The following APOBEC3F variants were observed in gnomAD, a reference collection of about 807,000 sequenced individuals.
APOBEC3F encodes the protein apolipoprotein B mRNA editing enzyme catalytic subunit 3F.
Under a neutral mutation model 45.8 loss-of-function variants are expected in APOBEC3F, and 34 were observed. That is an observed-to-expected ratio of 0.74 (90% CI 0.57 to 0.99). The LOEUF is 0.99. Ranked by LOEUF, APOBEC3F falls within the 50% of genes least tolerant of loss-of-function variation. The probability of loss-of-function intolerance (pLI) is 0.00; values close to 1 mark genes in which losing one functional copy is unlikely to be tolerated. For missense variants in APOBEC3F, 459 were observed against 474.1 expected, an observed-to-expected ratio of 0.97 and a Z score of 0.30; for synonymous variants, 192 against 174.4, an observed-to-expected ratio of 1.10 and a Z score of -0.80.
intron 5 of APOBEC3F, 125 bp downstream of exon 5, chr22:39,049,706 T>G (rs1927393107): frequency 8.1e-7 from 1 of 1,232,168 alleles, no homozygotes; most frequent in Admixed American, 2.7e-5. Flanking sequence ...TTTCTTTTTT[T>G]TTTTTTTTTT....
At chr22:39,041,794 G>A (rs576694339) in intron 1 of APOBEC3F, among the ~76,000 whole-genome samples, 14 of 152,084 alleles carry the variant, frequency 9.2e-5, no homozygotes, top group African/African-American at 3.1e-4. Flanking sequence ...CCCAGGAGGC[G>A]GAGGTTGCAG....
chr22:39,047,762 A>G (rs1221194074), intron 4 of APOBEC3F, among the ~76,000 whole-genome samples: 1 of 147,536 alleles, frequency 6.8e-6, no homozygotes. Flanking sequence ...CCCGAAAGTC[A>G]CCCCTTTGCT....
intron 5 of APOBEC3F, among the ~76,000 whole-genome samples, chr22:39,051,862 GA>G (rs1015032355): frequency 1.7e-4 from 26 of 152,270 alleles, no homozygotes; most frequent in African/African-American, 6.3e-4. Flanking sequence ...GCTGAGGTGG[GA>G]AGATTCCTTG....
At chr22:39,049,306 T>G in intron 4 of APOBEC3F, 119 bp from the exon 5 acceptor site, 2 of 1,247,708 alleles carry the variant, frequency 1.6e-6, no homozygotes, top group Non-Finnish European at 2.2e-6. Flanking sequence ...CTCCCAGTCT[T>G]TCTGCCTGGG....
chr22:39,042,948 A>G lies in APOBEC3F; in HGVS notation c.29A>G (p.Glu10Gly). The change falls in exon 2 of 7, where the codon GAG becomes GGG. Residue 10 changes from glutamate (E) to glycine (G), a missense_variant. Transcript: ENST00000308521. ...TCTTGTGTCTTCAGAAACACAGTGG[A>G]GCGAATGTATCGAGACACATTCTCC... is the stretch of plus-strand genomic sequence containing the variant. MKPHFRNTV[E>G]RMYRDTFSYN... 6.2e-7 allele frequency: 1 copy of G among 1,613,932 alleles called. No individual in the cohort carries two copies.
chr22:39,049,678 G>T, intron 5 of APOBEC3F, 97 bp downstream of exon 5: 21 of 1,302,978 alleles, frequency 1.6e-5, no homozygotes, highest in Non-Finnish European at 2.0e-5. Context: ...GCTTTCCTGT[G>T]TGTACTTTCC....
In APOBEC3F at chr22:39,054,360, TA is replaced by T. The variant is rs1601505905; in HGVS notation, c.*1666del. Among the ~76,000 whole-genome samples, 1 of 152,198 alleles carries T rather than the reference TA, an allele frequency of 6.6e-6. No homozygotes were observed. The highest frequency in any genetic ancestry group is 1.5e-5 in the Non-Finnish European group (1 of 68,038). ...TATTTTCCTACCTAAGCCTCCCAAG[TA>T]GCTGGGATTACATGCGCGTGCCACC... On this transcript the variant is annotated 3_prime_UTR_variant, in exon 7 of 7. Coordinates refer to ENST00000308521, the MANE Select transcript of APOBEC3F (RefSeq NM_145298.6).
chr22:39,052,700 T>C lies in APOBEC3F; in HGVS notation c.*5T>C. 6.2e-7 allele frequency: 1 copy of C among 1,610,060 alleles called. No individual in the cohort carries two copies. Among genetic ancestry groups the C allele is most frequent in the Non-Finnish European group, 8.5e-7 (1 of 1,177,412 alleles). On this transcript the variant is annotated 3_prime_UTR_variant, in exon 7 of 7. Coordinates refer to ENST00000308521, the MANE Select transcript of APOBEC3F (RefSeq NM_145298.6). The stretch of plus-strand genomic sequence containing the variant: ...CTGCAGGAGATTCTCGAGTGAGGGG[T>C]CTCCCCGGGCCTCATGGTCTGTCTC...
Position 39,049,523 on chromosome 22 carries a change from T to C in APOBEC3F, c.665T>C (p.Met222Thr). 1.2e-6 allele frequency: 2 copies of C among 1,614,002 alleles called. No homozygotes were observed. Among genetic ancestry groups the C allele is most frequent in the Non-Finnish European group, 1.7e-6 (2 of 1,179,984 alleles). Residue 222 changes from methionine to threonine, a missense_variant, in exon 5 of 7, where the codon ATG becomes ACG. Transcript: ENST00000308521. ...GRNESWLCFT[M>T]EVVKHHSPVS... ...AACGAAAGCTGGCTGTGCTTCACCATGGAAGTTGTAAAGCACCACTCACCT... is the reference window on the plus strand; with the variant it reads ...AACGAAAGCTGGCTGTGCTTCACCACGGAAGTTGTAAAGCACCACTCACCT...
intron 5 of APOBEC3F, 102 bp from the exon 6 acceptor site, chr22:39,051,972 G>A (rs150203209): frequency 8.6e-6 from 13 of 1,504,334 alleles, no homozygotes; most frequent in African/African-American, 4.2e-5. Context: ...ATAAGGAAAC[G>A]CCCTGGGGCT....
chr22:39,044,702 C>G (rs1927113230), intron 2 of APOBEC3F, among the ~76,000 whole-genome samples: 2 of 152,200 alleles, frequency 1.3e-5, no homozygotes, highest in East Asian at 1.9e-4. Flanking sequence ...AGGTGCAGCC[C>G]CCACAGCCTC....
In APOBEC3F at chr22:39,052,775, G is replaced by C; in HGVS notation, c.*80G>C. On this transcript the variant is annotated 3_prime_UTR_variant, in exon 7 of 7. Coordinates refer to ENST00000308521, the MANE Select transcript of APOBEC3F (RefSeq NM_145298.6). ...CAGGCCTCCCCTCCATCCTGGACCA[G>C]CTGTGCTTTTGCCTGGTCATCCTGA... The C allele has an allele frequency of 6.5e-7, 1 of 1,536,682 alleles. No homozygotes were observed. The highest frequency in any genetic ancestry group is 1.3e-5 in the South Asian group (1 of 77,596).
chr22:39,048,051 C>G (rs1413545299), intron 4 of APOBEC3F, among the ~76,000 whole-genome samples: 11 of 152,234 alleles, frequency 7.2e-5, no homozygotes, highest in Non-Finnish European at 1.6e-4. Flanking sequence ...ACACAGGCTC[C>G]TCCTCCGTGA....
At chr22:39,052,548 C>T (rs749590604) in intron 6 of APOBEC3F, 29 bp from the exon 7 acceptor site, 4 of 1,601,886 alleles carry the variant, frequency 2.5e-6, no homozygotes, top group African/African-American at 1.3e-5. Flanking sequence ...CTGCTGGGCC[C>T]TCACTGCTTT....
chr22:39,049,958 C>T, intron 5 of APOBEC3F, among the ~76,000 whole-genome samples: 1 of 148,604 alleles, frequency 6.7e-6, no homozygotes, highest in East Asian at 2.0e-4. Context: ...CCCCCTCGGC[C>T]TCCCAAAGTG....
intron 2 of APOBEC3F, chr22:39,044,478 C>T (rs1253688610): frequency 3.6e-5 from 36 of 1,013,872 alleles, no homozygotes; most frequent in Admixed American, 3.5e-5. Context: ...CCAGGGCCTG[C>T]GAGCTGCACA....
intron 4 of APOBEC3F, among the ~76,000 whole-genome samples, chr22:39,048,562 C>T (rs372078373): frequency 6.6e-6 from 1 of 151,572 alleles, no homozygotes; most frequent in African/African-American, 2.4e-5. Context: ...GTAATCCCAG[C>T]ACTTTGGGAG....
At chr22:39,049,003 A>G (rs5750731) in intron 4 of APOBEC3F, among the ~76,000 whole-genome samples, 1 of 104,886 alleles carries the variant, frequency 9.5e-6, no homozygotes, top group Middle Eastern at 5.1e-3. Flanking sequence ...ACAAAAACAA[A>G]AAAAACAAAA....
rs1305311339 is a variant in APOBEC3F, at chr22:39,052,469, A to C, written c.1004-108A>C. The stretch of plus-strand genomic sequence containing the variant: ...CCGGGAAGCCTGCAGGGATGGCGCC[A>C]GTGTCCACTGCAACTGGCAGTCAGG... On this transcript the variant is annotated intron_variant, in intron 6 of 6. Transcript: ENST00000308521. The C allele has an allele frequency of 6.4e-6, 10 of 1,571,472 alleles. No homozygotes were observed. The Admixed American group carries it at 1.6e-4, about 25-fold the overall frequency.
Sources: allele counts gnomAD v4.1 joint callset (sites outside exome capture counted in the v4.1 genomes callset), GRCh38; gene constraint gnomAD v4.1.1; transcripts MANE v1.5; gene names NCBI Gene and HGNC (gene_info 2026-07-23, HGNC 2026-07-21).